Variants in FRYL observed in about 807,000 individuals in gnomAD.
FRYL encodes protein furry homolog-like.
In FRYL, 150 loss-of-function variants were observed where a neutral mutation model predicts 351.2. That is an observed-to-expected ratio of 0.43 (90% CI 0.37 to 0.49). FRYL has a LOEUF of 0.49. FRYL is among the 20% of genes least tolerant of loss of function. The pLI is 0.00. For missense variants in FRYL, 3,036 were observed against 3,619.3 expected, an observed-to-expected ratio of 0.84 and a Z score of 4.13; for synonymous variants, 1,153 against 1,257.1, an observed-to-expected ratio of 0.92 and a Z score of 1.75.
At chr4:48,677,669 C>T (rs1763937074) in intron 3 of FRYL, among the ~76,000 whole-genome samples, 1 of 152,020 alleles carries the variant, frequency 6.6e-6, no homozygotes. Flanking sequence ...CCTTGGCCTC[C>T]CAAATTGCTG....
intron 1 of FRYL, among the ~76,000 whole-genome samples, chr4:48,773,823 G>A (rs760517424): frequency 2.6e-5 from 4 of 152,156 alleles, no homozygotes; most frequent in Non-Finnish European, 5.9e-5. Flanking sequence ...GGGCTGAGGT[G>A]AGAGGATCAC....
chr4:48,592,649 A>T (rs192763815), intron 16 of FRYL, among the ~76,000 whole-genome samples: 9 of 152,266 alleles, frequency 5.9e-5, no homozygotes, highest in Admixed American at 5.2e-4. Context: ...GTCGGTAGAA[A>T]CCAAAAAATA....
chr4:48,550,046 A>AT (rs1732337255), intron 38 of FRYL, among the ~76,000 whole-genome samples: 1 of 152,198 alleles, frequency 6.6e-6, no homozygotes, highest in Non-Finnish European at 1.5e-5. Context: ...GCGGGGTGCA[A>AT]TAAAAAATGT....
At chr4:48,581,096 A>AG in intron 21 of FRYL, 145 bp from the exon 22 acceptor site, 1 of 562,144 alleles carries the variant, frequency 1.8e-6, no homozygotes, top group Non-Finnish European at 3.0e-6. Context: ...CCCAGGCTGG[A>AG]GTGCAGCAGC....
intron 55 of FRYL, among the ~76,000 whole-genome samples, chr4:48,515,902 TCTC>T (rs1300984036): frequency 2.0e-5 from 3 of 152,116 alleles, no homozygotes; most frequent in African/African-American, 4.8e-5. Flanking sequence ...GTATAAATCG[TCTC>T]CTGTTTGAAA....
At chr4:48,523,686 A>G (rs1359414483) in intron 53 of FRYL, among the ~76,000 whole-genome samples, 4 of 152,254 alleles carry the variant, frequency 2.6e-5, no homozygotes, top group Non-Finnish European at 5.9e-5. Context: ...TATGTTGTGA[A>G]AAAGTCAGAG....
intron 1 of FRYL, among the ~76,000 whole-genome samples, chr4:48,736,935 A>G (rs2149638489): frequency 6.6e-6 from 1 of 151,928 alleles, no homozygotes; most frequent in African/African-American, 2.4e-5. Flanking sequence ...ATAAGCTTCT[A>G]GCAGGTTAAC....
Position 48,499,585 on chromosome 4 carries a change from G to T in FRYL, c.8879C>A (p.Thr2960Lys), listed in dbSNP as rs760777397. ...AGAGCCTATAACTGCAAAGCTTCCT[G>T]TCTGGCCCAGCGTCTGATGATGGAA... ...IYFHHQTLGQ[T>K]GSFAVIGSNL... is the part of the protein sequence containing the mutation. Residue 2960 changes from threonine to lysine, a missense_variant, in exon 64 of 64, where the codon ACA (threonine) becomes AAA (lysine). Physicochemically the swap from Thr to Lys is moderately conservative, Grantham distance 78 (BLOSUM62 -1). Around this residue, in one of 7 missense-constraint regions of FRYL, gnomAD observed 1,987 missense variants for 2,311.7 expected, o/e 0.86. Transcript: ENST00000358350. The T allele has an allele frequency of 6.2e-7, 1 of 1,614,102 alleles. No individual in the cohort carries two copies. Among genetic ancestry groups the T allele is most frequent in the Non-Finnish European group, 8.5e-7 (1 of 1,179,992 alleles).
chr4:48,504,023 G>A (rs1268618580), intron 60 of FRYL, among the ~76,000 whole-genome samples: 1 of 152,100 alleles, frequency 6.6e-6, no homozygotes, highest in African/African-American at 2.4e-5. Flanking sequence ...TAAAGTTTAT[G>A]ATCGTAGGAA....
intron 60 of FRYL, among the ~76,000 whole-genome samples, chr4:48,503,550 A>G (rs966637644): frequency 2.0e-5 from 3 of 152,246 alleles, no homozygotes; most frequent in African/African-American, 4.8e-5. Flanking sequence ...CTTAAAAACT[A>G]TATGAAAACA....
chr4:48,612,497 C>CAT (rs1553949864), intron 7 of FRYL, among the ~76,000 whole-genome samples: 4 of 149,968 alleles, frequency 2.7e-5, no homozygotes, highest in Admixed American at 6.6e-5. Context: ...TGTGTGTGCA[C>CAT]GTGTGTGTGT....
intron 55 of FRYL, among the ~76,000 whole-genome samples, chr4:48,520,011 G>A (rs1456467369): frequency 1.2e-4 from 18 of 152,168 alleles, no homozygotes; most frequent in Admixed American, 3.3e-4. Context: ...GATTACAGGC[G>A]TAAGCCACAG....
intron 1 of FRYL, among the ~76,000 whole-genome samples, chr4:48,760,734 T>A (rs914128475): frequency 6.6e-6 from 1 of 152,210 alleles, no homozygotes; most frequent in Non-Finnish European, 1.5e-5. Flanking sequence ...TGGAGTGCAA[T>A]GGTGCAATCT....
At position 48,723,088 on chromosome 4, in the gene FRYL, TTTTG is replaced by T. The variant is rs373357298; in HGVS notation, c.-383-12394_-383-12391del. Among the ~76,000 whole-genome samples, 212 of 152,238 alleles carry T rather than the reference TTTTG, an allele frequency of 1.4e-3. 1 individual carries two copies. Among genetic ancestry groups the T allele is most frequent in the African/African-American group, 4.5e-3 (188 of 41,556 alleles). On this transcript the variant is annotated intron_variant, in intron 1 of 63. Transcript: ENST00000358350. ...AGGACCTCAAACCTAACAGGTTTTTTTTTGTTTGTTTTGTTTTGTCTAAAGGACC... is the reference window on the plus strand; with the variant it reads ...AGGACCTCAAACCTAACAGGTTTTTTTTTGTTTTGTTTTGTCTAAAGGACC...
At chr4:48,626,032 C>T (rs1751730525) in intron 4 of FRYL, among the ~76,000 whole-genome samples, 1 of 152,076 alleles carries the variant, frequency 6.6e-6, no homozygotes, top group Admixed American at 6.6e-5. Flanking sequence ...TCCTTAAACT[C>T]AAGGGTTGCT....
At chr4:48,508,516 G>T (rs1721781549) in intron 59 of FRYL, among the ~76,000 whole-genome samples, 1 of 152,052 alleles carries the variant, frequency 6.6e-6, no homozygotes, top group Non-Finnish European at 1.5e-5. Flanking sequence ...ATTATAAATG[G>T]TATCTATTGC....
intron 4 of FRYL, among the ~76,000 whole-genome samples, chr4:48,631,596 C>T (rs1752968941): frequency 6.6e-6 from 1 of 151,948 alleles, no homozygotes; most frequent in Admixed American, 6.6e-5. Context: ...TGAGAGAGAC[C>T]TGGTTCCTGG....
chr4:48,719,579 A>G (rs1168872324), intron 1 of FRYL, among the ~76,000 whole-genome samples: 1 of 151,716 alleles, frequency 6.6e-6, no homozygotes, highest in African/African-American at 2.4e-5. Flanking sequence ...CCCAATAAAT[A>G]TATTATAAAT....
At chr4:48,710,985 C>A (rs750730982) in intron 1 of FRYL, among the ~76,000 whole-genome samples, 21 of 152,114 alleles carry the variant, frequency 1.4e-4, no homozygotes, top group African/African-American at 2.9e-4. Flanking sequence ...ATGTGGTATA[C>A]CCACAATGGA....
Sources: gnomAD v4.1 joint callset for allele counts (sites outside exome capture counted in the v4.1 genomes callset) on GRCh38, gnomAD v4.1.1 for gene constraint, gnomAD v4.1.1 regional missense constraint, MANE v1.5 for transcripts, NCBI Gene and HGNC (gene_info 2026-07-23, HGNC 2026-07-21) for gene names.